Variants in MAST2 observed in about 807,000 individuals in gnomAD.
MAST2 encodes the protein microtubule-associated serine/threonine-protein kinase 2.
Under a neutral mutation model 147.4 loss-of-function variants are expected in MAST2, and 70 were observed. That is an observed-to-expected ratio of 0.47 (90% CI 0.39 to 0.58). The LOEUF is 0.58. Among genes scored for constraint, MAST2 ranks in the 20% least tolerant of loss-of-function variants. MAST2 has a pLI of 0.00. For synonymous variants in MAST2, 869 were observed against 896.8 expected (o/e 0.97, Z 0.55); for missense variants, 2,080 against 2,302.3 (o/e 0.90, Z 1.98).
At chr1:45,946,295 T>A (rs775287251) in intron 4 of MAST2, among the ~76,000 whole-genome samples, 3 of 152,096 alleles carry the variant, frequency 2.0e-5, no homozygotes, top group African/African-American at 7.2e-5. Context: ...GTGGGGAGAT[T>A]TACTAAGGTG....
intron 7 of MAST2, 80 bp downstream of exon 7, chr1:46,002,963 G>T: frequency 1.4e-6 from 2 of 1,397,804 alleles, no homozygotes; most frequent in Non-Finnish European, 2.0e-6. Context: ...TCACAAAATG[G>T]TTCTCAACTT....
At chr1:46,027,594 C>A (rs921714665) in intron 16 of MAST2, 137 bp from the exon 17 acceptor site, 2 of 867,522 alleles carry the variant, frequency 2.3e-6, no homozygotes, top group Non-Finnish European at 3.5e-6. Flanking sequence ...CCTGCCTGTC[C>A]CCCCAGCTGA....
intron 4 of MAST2, among the ~76,000 whole-genome samples, chr1:45,947,747 C>T (rs555532478): frequency 8.5e-5 from 13 of 152,338 alleles, no homozygotes; most frequent in African/African-American, 2.9e-4. Context: ...GACGGAGTCT[C>T]GCTCTGTCGC....
Position 45,829,478 on chromosome 1 carries a change from G to C in MAST2, c.365G>C (p.Ser122Thr), listed in dbSNP as rs746594544. 2.5e-6 allele frequency: 4 copies of C among 1,614,074 alleles called. No homozygotes were observed. The Admixed American group carries it at 5.0e-5, about 20-fold the overall frequency. ...CCTTTGTCCAGCAGTGTACATAGCAGTGTGGGACAGGTGACTTGGCAGTCG... is the reference window on the plus strand; with the variant it reads ...CCTTTGTCCAGCAGTGTACATAGCACTGTGGGACAGGTGACTTGGCAGTCG... ...LLPLSSSVHSSVGQVTWQSSG... is the reference protein window; with the variant it reads ...LLPLSSSVHSTVGQVTWQSSG... Residue 122 changes from serine to threonine, a missense_variant, in exon 3 of 29, where the codon AGT becomes ACT. By Grantham distance (58) the Ser-to-Thr change is moderately conservative. Around this residue, in one of 4 missense-constraint regions of MAST2, gnomAD observed 569 missense variants for 642.5 expected, o/e 0.89. Coordinates refer to ENST00000361297, the MANE Select transcript of MAST2 (RefSeq NM_015112.3).
rs192602285 is a variant in MAST2, at chr1:45,941,482, A to G, written c.501-17904A>G. Among the ~76,000 whole-genome samples, 891 of 152,062 alleles carry G rather than the reference A, an allele frequency of 5.9e-3. 4 individuals carry two copies. The highest frequency in any genetic ancestry group is 0.021 in the South Asian group (102 of 4,824). On this transcript the variant is annotated intron_variant, in intron 4 of 28. Coordinates refer to ENST00000361297, the MANE Select transcript of MAST2 (RefSeq NM_015112.3). ...ACCATCTTGGCCAGGCTGGTCTTGA[A>G]CTTCTGACCTTGTGATCCACTCACC...
intron 10 of MAST2, among the ~76,000 whole-genome samples, chr1:46,013,361 G>C (rs1645793579): frequency 6.6e-6 from 1 of 152,034 alleles, no homozygotes; most frequent in Admixed American, 6.6e-5. Context: ...CTGTATAGGA[G>C]GCATTCTGCT....
Position 46,034,884 on chromosome 1 carries a change from G to A in MAST2, c.4215G>A (p.Val1405=), listed in dbSNP as rs1292950052. The change falls in exon 29 of 29, where the codon GTG becomes GTA. Residue 1405 remains valine, a synonymous_variant. Transcript: ENST00000361297. ...CCCGTTCACCACTACTCAAGAGGGTGCAGTCGGCTGAGAAACTGGCAGCAG... is the reference window on the plus strand; with the variant it reads ...CCCGTTCACCACTACTCAAGAGGGTACAGTCGGCTGAGAAACTGGCAGCAG... ...EPPRSPLLKR[V]QSAEKLAAAL... 6 of 1,614,128 alleles carry A rather than the reference G, an allele frequency of 3.7e-6. No homozygotes were observed. The East Asian group carries it at 8.9e-5, about 24-fold the overall frequency.
intron 18 of MAST2, 191 bp from the exon 19 acceptor site, chr1:46,029,275 C>A: frequency 1.8e-6 from 1 of 564,904 alleles, no homozygotes. Context: ...GCAGTGCCTG[C>A]TGTGGATCAA....
chr1:45,867,049 C>G (rs1166939640), intron 3 of MAST2, among the ~76,000 whole-genome samples: 1 of 152,178 alleles, frequency 6.6e-6, no homozygotes, highest in Admixed American at 6.5e-5. Context: ...CGCACCCAGC[C>G]TATTTTGCCT....
At chr1:46,026,599 C>A (rs577063609) in intron 16 of MAST2, among the ~76,000 whole-genome samples, 1 of 151,970 alleles carries the variant, frequency 6.6e-6, no homozygotes, top group African/African-American at 2.4e-5. Flanking sequence ...AAAGAGATAC[C>A]GAGACCAGGG....
At chr1:45,837,984 G>A (rs1645154279) in intron 3 of MAST2, among the ~76,000 whole-genome samples, 1 of 151,926 alleles carries the variant, frequency 6.6e-6, no homozygotes, top group African/African-American at 2.4e-5. Flanking sequence ...TCGCCGTGTT[G>A]GTCAAGCTTG....
Position 46,023,300 on chromosome 1 carries a change from T to C in MAST2, c.1553T>C (p.Ile518Thr). The stretch of plus-strand genomic sequence containing the variant: ...GAGGACTTCGAGACCATTAAGCTCA[T>C]CAGCAATGGCGCCTATGGGTAAAGG... ...SEEDFETIKL[I>T]SNGAYGAVFL... Residue 518 changes from isoleucine to threonine, a missense_variant, in exon 14 of 29, where the codon ATC (isoleucine) becomes ACC (threonine). Physicochemically the swap from Ile to Thr is moderately conservative, Grantham distance 89. This residue lies in a region of MAST2 where 569 missense variants were observed against 642.5 expected (regional missense o/e 0.89). Transcript: ENST00000361297. The surrounding 1 kb of genome is among the most constrained non-coding windows in gnomAD (Gnocchi z 4.9). 1.9e-6 allele frequency: 3 copies of C among 1,614,108 alleles called. No homozygotes were observed. The highest frequency in any genetic ancestry group is 2.5e-6 in the Non-Finnish European group (3 of 1,180,018).
chr1:45,992,846 C>T (rs1644903710), intron 5 of MAST2, among the ~76,000 whole-genome samples: 2 of 151,972 alleles, frequency 1.3e-5, no homozygotes, highest in Non-Finnish European at 2.9e-5. Flanking sequence ...TTTTTTTCTC[C>T]TTCCGTGATC....
intron 1 of MAST2, among the ~76,000 whole-genome samples, chr1:45,805,632 C>T (rs932991585): frequency 2.6e-5 from 4 of 152,156 alleles, no homozygotes; most frequent in Non-Finnish European, 2.9e-5. Flanking sequence ...TGGTAGAGTT[C>T]AAGATTACTT....
chr1:46,010,581 G>A (rs1645672146), intron 9 of MAST2, 149 bp from the exon 10 acceptor site: 2 of 637,786 alleles, frequency 3.1e-6, no homozygotes, highest in Non-Finnish European at 5.5e-6. Context: ...ATCTATTAAT[G>A]TCTTCAGTTA....
At chr1:45,856,838 G>A (rs1645806883) in intron 3 of MAST2, among the ~76,000 whole-genome samples, 1 of 151,764 alleles carries the variant, frequency 6.6e-6, no homozygotes. Flanking sequence ...TGAGGGTAGT[G>A]GGCTGGGCTG....
At position 46,035,083 on chromosome 1, in the gene MAST2, C is replaced by G; in HGVS notation, c.4414C>G (p.Pro1472Ala). 1 of 1,613,658 alleles carries G rather than the reference C, an allele frequency of 6.2e-7. No homozygotes were observed. The highest frequency in any genetic ancestry group is 8.5e-7 in the Non-Finnish European group (1 of 1,179,946). ...GALPGKGVLQ[P>A]APSRALGTLR... ...CCTGCCAGGGAAGGGGGTGCTGCAG[C>G]CTGCTCCCTCACGGGCCCTAGGCAC... Residue 1472 changes from proline to alanine, a missense_variant, in exon 29 of 29, where the codon CCT (proline) becomes GCT (alanine). By Grantham distance (27) the Pro-to-Ala change is conservative. Around this residue, in one of 4 missense-constraint regions of MAST2, gnomAD observed 1,278 missense variants for 1,304.2 expected, o/e 0.98. Coordinates refer to ENST00000361297, the MANE Select transcript of MAST2 (RefSeq NM_015112.3). The surrounding 1 kb of genome is among the most constrained non-coding windows in gnomAD (Gnocchi z 5.5).
At chr1:45,881,750 A>G (rs2148294059) in intron 3 of MAST2, among the ~76,000 whole-genome samples, 1 of 151,584 alleles carries the variant, frequency 6.6e-6, no homozygotes, top group South Asian at 2.1e-4. Context: ...GCTGGCCTAG[A>G]GTGCCTGTAA....
chr1:46,021,118 G>C (rs545748825), intron 11 of MAST2, among the ~76,000 whole-genome samples: 2 of 152,316 alleles, frequency 1.3e-5, no homozygotes, highest in East Asian at 3.9e-4. Context: ...CCAAATAGGA[G>C]CTAAGGAAGG....
Sources: gnomAD v4.1 joint callset for allele counts (sites outside exome capture counted in the v4.1 genomes callset) on GRCh38, gnomAD v4.1.1 for gene constraint, gnomAD v4.1.1 regional missense constraint, Gnocchi (gnomAD v3.1) non-coding constraint, MANE v1.5 for transcripts, NCBI Gene and HGNC (gene_info 2026-07-23, HGNC 2026-07-21) for gene names.